The following ANO2 variants were observed in gnomAD, a reference collection of about 807,000 sequenced individuals.
The protein encoded by ANO2 is anoctamin-2.
Under a neutral mutation model 124.2 loss-of-function variants are expected in ANO2, and 101 were observed. The ratio of observed to expected loss-of-function variants is 0.81; its 90% confidence interval spans 0.69 to 0.96. The LOEUF is 0.96. Ranked by LOEUF, ANO2 falls within the 40% of genes least tolerant of loss-of-function variation. ANO2 has a pLI of 0.00. For missense variants in ANO2, 1,293 were observed against 1,274.5 expected (o/e 1.01, Z -0.22); for synonymous variants, 486 against 482.5 (o/e 1.01, Z -0.09).
At chr12:5,834,308 C>G (rs181269864) in intron 4 of ANO2, among the ~76,000 whole-genome samples, 1 of 152,340 alleles carries the variant, frequency 6.6e-6, no homozygotes, top group East Asian at 1.9e-4. Context: ...CTATTTCCTT[C>G]TCTACCATGA....
chr12:5,684,311 A>C (rs1184557048), intron 14 of ANO2, among the ~76,000 whole-genome samples: 3 of 152,180 alleles, frequency 2.0e-5, no homozygotes, highest in African/African-American at 7.2e-5. Context: ...TCCAATTCAA[A>C]AATATTCATT....
At chr12:5,894,777 G>GT (rs1939655030) in intron 3 of ANO2, among the ~76,000 whole-genome samples, 1 of 152,128 alleles carries the variant, frequency 6.6e-6, no homozygotes, top group Non-Finnish European at 1.5e-5. Flanking sequence ...TTTTTGTCAG[G>GT]TTTGTCAAAG....
In ANO2 at chr12:5,599,542, C is replaced by A. The variant is rs760034437; in HGVS notation, c.2175G>T (p.Trp725Cys). 18 of 1,613,776 alleles carry A rather than the reference C, an allele frequency of 1.1e-5. No homozygotes were observed. The Admixed American group carries it at 3.0e-4, about 27-fold the overall frequency. Reference sequence around the variant, plus strand: ...ATGGTTCCAAGCTGTAGTCTAGGTCCCACTGCTCTGGATGTTTCGAATGGG... The same window carrying A: ...ATGGTTCCAAGCTGTAGTCTAGGTCACACTGCTCTGGATGTTTCGAATGGG... Reference protein sequence around the residue: ...DSAHSKHPEQWDLDYSLEPYT... With the variant: ...DSAHSKHPEQCDLDYSLEPYT... Residue 725 changes from tryptophan to cysteine, a missense_variant, in exon 20 of 25, where the codon TGG becomes TGT. Transcript: ENST00000682330.
intron 3 of ANO2, among the ~76,000 whole-genome samples, chr12:5,892,043 A>G (rs1939447454): frequency 6.6e-6 from 1 of 152,152 alleles, no homozygotes; most frequent in Admixed American, 6.5e-5. Context: ...ACACTCTTGA[A>G]ATGAATAGAA....
intron 19 of ANO2, among the ~76,000 whole-genome samples, chr12:5,604,488 G>A (rs370403907): frequency 3.9e-5 from 6 of 152,262 alleles, no homozygotes; most frequent in Admixed American, 1.3e-4. Flanking sequence ...TAGAGCGTGC[G>A]TCAGAAAAGT....
intron 3 of ANO2, among the ~76,000 whole-genome samples, chr12:5,885,690 C>T (rs7314204): frequency 0.48 from 72,623 of 152,012 alleles, 17,979 homozygotes; most frequent in South Asian, 0.61. Flanking sequence ...TAGCTAGCCC[C>T]GAGTTCTTTG....
At chr12:5,817,137 C>T (rs1384218791) in intron 7 of ANO2, among the ~76,000 whole-genome samples, 1 of 152,208 alleles carries the variant, frequency 6.6e-6, no homozygotes, top group African/African-American at 2.4e-5. Context: ...GGCCTTCCAA[C>T]AACCTGGGGA....
chr12:5,714,302 T>C (rs954882393), intron 14 of ANO2, among the ~76,000 whole-genome samples: 1 of 152,146 alleles, frequency 6.6e-6, no homozygotes, highest in African/African-American at 2.4e-5. Context: ...TGGAATGCGT[T>C]CCCCTTCCTA....
Position 5,575,923 on chromosome 12 carries a change from G to C in ANO2, c.2532C>G (p.Asn844Lys), listed in dbSNP as rs1942373953. 6.2e-7 allele frequency: 1 copy of C among 1,613,672 alleles called. No individual in the cohort carries two copies. Among genetic ancestry groups the C allele is most frequent in the Non-Finnish European group, 8.5e-7 (1 of 1,179,794 alleles). ...SHNGTLHGFV[N>K]HTLSFFNVSQ... ...TGACGTTGAAAAAGGAGAGGGTGTG[G>C]TTGACAAAGCCGTGCAGAGTCCCAT... The change falls in exon 23 of 25, where the codon AAC becomes AAG. Residue 844 changes from asparagine to lysine, a missense_variant. Physicochemically the swap from Asn to Lys is moderately conservative, Grantham distance 94. Transcript: ENST00000682330.
intron 1 of ANO2, among the ~76,000 whole-genome samples, chr12:5,941,492 C>T (rs562744342): frequency 7.9e-5 from 12 of 151,586 alleles, no homozygotes; most frequent in African/African-American, 2.4e-4. Context: ...AACAAGCTAA[C>T]GTTCATGTGA....
At chr12:5,685,015 T>A (rs1173139264) in intron 14 of ANO2, among the ~76,000 whole-genome samples, 3 of 152,206 alleles carry the variant, frequency 2.0e-5, no homozygotes, top group African/African-American at 7.2e-5. Context: ...ATGGTCTAGT[T>A]CCTAGGCACA....
chr12:5,618,440 A>ACCTC, intron 16 of ANO2, among the ~76,000 whole-genome samples: 1 of 151,660 alleles, frequency 6.6e-6, no homozygotes, highest in Non-Finnish European at 1.5e-5. Flanking sequence ...CTTAATCCTC[A>ACCTC]CCTCCCTGGG....
At chr12:5,875,545 G>A (rs1000878234) in intron 3 of ANO2, among the ~76,000 whole-genome samples, 1 of 152,216 alleles carries the variant, frequency 6.6e-6, no homozygotes, top group African/African-American at 2.4e-5. Context: ...ACCAAAGAAG[G>A]CAGCCATCTG....
At chr12:5,812,775 TGAAAGAAAGAAAAA>T (rs1473791781) in intron 7 of ANO2, among the ~76,000 whole-genome samples, 7 of 36,986 alleles carry the variant, frequency 1.9e-4, no homozygotes, top group African/African-American at 7.5e-4. Context: ...GGCAGGCAAG[TGAAAGAAAGAAAAA>T]GAAAGAAAGA....
chr12:5,888,364 G>T (rs946266988), intron 3 of ANO2, among the ~76,000 whole-genome samples: 16 of 152,168 alleles, frequency 1.1e-4, no homozygotes, highest in African/African-American at 3.9e-4. Flanking sequence ...TGCAAAAAGC[G>T]AAAGAACAAA....
intron 14 of ANO2, among the ~76,000 whole-genome samples, chr12:5,654,356 T>C (rs1947059138): frequency 6.6e-6 from 1 of 152,222 alleles, no homozygotes; most frequent in African/African-American, 2.4e-5. Flanking sequence ...TAATTCTAAA[T>C]AATATTCAGG....
At chr12:5,869,976 C>T (rs1336373749) in intron 3 of ANO2, among the ~76,000 whole-genome samples, 2 of 152,160 alleles carry the variant, frequency 1.3e-5, no homozygotes, top group Non-Finnish European at 2.9e-5. Flanking sequence ...TGAAGAAAGG[C>T]AGGAGCCCTC....
chr12:5,732,619 C>G lies in ANO2; in HGVS notation c.1446G>C (p.Arg482Ser), dbSNP rs770617654. 55 of 1,613,390 alleles carry G rather than the reference C, an allele frequency of 3.4e-5. No homozygotes were observed. The highest frequency in any genetic ancestry group is 4.2e-5 in the Non-Finnish European group (50 of 1,179,680). ...CTCGAACTTTGGTTTCATACTCAGG[C>G]CTGGAATGTTCCTAAACCAAAGAGC... Reference protein sequence around the residue: ...TGIEEEEEHSRPEYETKVREK... With the variant: ...TGIEEEEEHSSPEYETKVREK... The change falls in exon 14 of 25, where the codon AGG (arginine) becomes AGC (serine). Residue 482 changes from arginine (R) to serine (S), a missense_variant. Transcript: ENST00000682330.
chr12:5,755,295 T>A (rs1050881548), intron 10 of ANO2, among the ~76,000 whole-genome samples: 1 of 151,684 alleles, frequency 6.6e-6, no homozygotes, highest in Admixed American at 6.6e-5. Flanking sequence ...TTGTTTGTGA[T>A]AAGTCACTTT....
Sources: allele counts gnomAD v4.1 joint callset (sites outside exome capture counted in the v4.1 genomes callset), GRCh38; gene constraint gnomAD v4.1.1; transcripts MANE v1.5; gene names NCBI Gene and HGNC (gene_info 2026-07-23, HGNC 2026-07-21).